Variants in UTRN observed in about 807,000 individuals in gnomAD.
The protein encoded by UTRN is dystrophin-related protein 1.
A neutral mutation model predicts 463.9 loss-of-function variants in UTRN; 283 were observed. That is an observed-to-expected ratio of 0.61 (90% CI 0.55 to 0.67). UTRN has a LOEUF of 0.67. UTRN is among the 30% of genes least tolerant of loss of function. The pLI, the probability that UTRN is intolerant of heterozygous loss-of-function variation, is 0.00. For missense variants in UTRN, 3,922 were observed against 4,084.3 expected (o/e 0.96, Z 1.08); for synonymous variants, 1,442 against 1,431.5 (o/e 1.01, Z -0.17).
At chr6:144,740,197 T>C (rs930912639) in intron 54 of UTRN, among the ~76,000 whole-genome samples, 4 of 152,250 alleles carry the variant, frequency 2.6e-5, no homozygotes, top group African/African-American at 7.2e-5. Flanking sequence ...ACTGCCATAG[T>C]GTACTATCTT....
Position 144,511,044 on chromosome 6 carries a change from T to C in UTRN, c.4865T>C (p.Leu1622Ser). Reference sequence around the variant, plus strand: ...TTGATTGAGGGCAGTGAGCCTATTTTAGAAGAGAGGCTCTGCGTCCTTAAC... The same window carrying C: ...TTGATTGAGGGCAGTGAGCCTATTTCAGAAGAGAGGCTCTGCGTCCTTAAC... ...QNLIEGSEPI[L>S]EERLCVLNAG... The change falls in exon 35 of 75, where the codon TTA becomes TCA. Residue 1622 changes from leucine to serine, a missense_variant. Leu to Ser is a moderately radical substitution (Grantham distance 145, BLOSUM62 -2). Around this residue, in one of 3 missense-constraint regions of UTRN, gnomAD observed 2,349 missense variants for 2,303.8 expected, o/e 1.02. Transcript: ENST00000367545. The C allele has an allele frequency of 6.2e-7, 1 of 1,613,144 alleles. No individual in the cohort carries two copies. Among genetic ancestry groups the C allele is most frequent in the South Asian group, 1.1e-5 (1 of 90,976 alleles).
At chr6:144,587,042 T>C (rs1802532816) in intron 51 of UTRN, among the ~76,000 whole-genome samples, 1 of 152,222 alleles carries the variant, frequency 6.6e-6, no homozygotes, top group Non-Finnish European at 1.5e-5. Context: ...GGTGAAATCA[T>C]GTATTAAATA....
At chr6:144,528,139 T>G (rs1030318018) in intron 41 of UTRN, among the ~76,000 whole-genome samples, 3 of 150,370 alleles carry the variant, frequency 2.0e-5, no homozygotes, top group African/African-American at 7.4e-5. Flanking sequence ...CAGGTTTGAG[T>G]GATTCTCCTG....
At chr6:144,433,768 C>T (rs1786206927) in intron 9 of UTRN, among the ~76,000 whole-genome samples, 1 of 151,898 alleles carries the variant, frequency 6.6e-6, no homozygotes, top group Non-Finnish European at 1.5e-5. Flanking sequence ...AGATGCTCCT[C>T]ACTTCCTAGA....
intron 2 of UTRN, among the ~76,000 whole-genome samples, chr6:144,360,032 T>TTTCCCTTCCCTTCCCTTCCC (rs1340009283): frequency 1.3e-5 from 1 of 78,796 alleles, no homozygotes; most frequent in African/African-American, 4.0e-5. Context: ...TCTTTTCTTT[T>TTTCCCTTCCCTTCCCTTCCC]TTCCCTTCCC....
intron 51 of UTRN, among the ~76,000 whole-genome samples, chr6:144,636,894 C>A (rs1038650672): frequency 3.9e-5 from 6 of 152,036 alleles, no homozygotes; most frequent in African/African-American, 1.4e-4. Flanking sequence ...AACAGAGTAG[C>A]CTTGAGGTTT....
At position 144,840,732 on chromosome 6, in the gene UTRN, T is replaced by C. The variant is rs1373036182; in HGVS notation, c.10178-8T>C. The C allele has an allele frequency of 2.5e-6, 4 of 1,613,666 alleles. No individual in the cohort carries two copies. Among genetic ancestry groups the C allele is most frequent in the African/African-American group, 1.3e-5 (1 of 74,920 alleles). On this transcript the variant is annotated splice_polypyrimidine_tract_variant and splice_region_variant and intron_variant, in intron 72 of 74. Coordinates refer to ENST00000367545, the MANE Select transcript of UTRN (RefSeq NM_007124.3). Reference sequence around the variant, plus strand: ...AAGCTTTGTTGTTCTCTTTATTTGCTGTCACAGCGGGAGAGGACCTGCTGG... The same window carrying C: ...AAGCTTTGTTGTTCTCTTTATTTGCCGTCACAGCGGGAGAGGACCTGCTGG...
rs376050591 is a variant in UTRN at position 144,462,608 on chromosome 6, A to C, written c.2854-46A>C. ...ATAGCCCATTTTACTATATCTGTGCAGACACATTTTTGTGCATATTTTTAA... is the reference window on the plus strand; with the variant it reads ...ATAGCCCATTTTACTATATCTGTGCCGACACATTTTTGTGCATATTTTTAA... On this transcript the variant is annotated intron_variant, in intron 22 of 74. Coordinates refer to ENST00000367545, the MANE Select transcript of UTRN (RefSeq NM_007124.3). The C allele has an allele frequency of 4.2e-5, 64 of 1,522,702 alleles. No homozygotes were observed. In the African/African-American group the frequency reaches 7.6e-4, roughly 18 times the overall value. 94.3% of individuals were successfully genotyped at this position (1,522,702 alleles called of 1,614,324 possible). A position where few individuals can be genotyped will look rare whatever the true frequency, so the allele number is the denominator to read the frequency against.
At chr6:144,656,087 A>G (rs1486925020) in intron 51 of UTRN, among the ~76,000 whole-genome samples, 1 of 152,130 alleles carries the variant, frequency 6.6e-6, no homozygotes, top group African/African-American at 2.4e-5. Context: ...AACATGGTTT[A>G]TTTAGCTAGA....
At chr6:144,754,575 C>G in intron 56 of UTRN, 145 bp from the exon 57 acceptor site, 1 of 225,246 alleles carries the variant, frequency 4.4e-6, no homozygotes, top group East Asian at 9.4e-5. Context: ...ATACCAGAGA[C>G]AGAGAAGGGG....
intron 51 of UTRN, among the ~76,000 whole-genome samples, chr6:144,602,289 T>G (rs7749957): frequency 0.54 from 81,088 of 151,454 alleles, 23,731 homozygotes; most frequent in East Asian, 0.85. Flanking sequence ...GCACCACCAG[T>G]CCCGGCTGAT....
At chr6:144,802,411 G>T (rs1382581033) in intron 64 of UTRN, among the ~76,000 whole-genome samples, 1 of 152,088 alleles carries the variant, frequency 6.6e-6, no homozygotes, top group Non-Finnish European at 1.5e-5. Flanking sequence ...GTAGATGTGG[G>T]TATAATTTAT....
Position 144,438,769 on chromosome 6 carries a change from G to T in UTRN, c.1266G>T (p.Leu422=). ...GGCTGCACGATGTGCTGATGGAACT[G>T]CAGAAGAAGCAACTGCAGCAGCTCT... is the stretch of plus-strand genomic sequence containing the variant. ...QSRLHDVLME[L]QKKQLQQLSA... is the part of the protein sequence containing the mutation. The change falls in exon 12 of 75, where the codon CTG becomes CTT. Residue 422 remains leucine, a synonymous_variant. Coordinates refer to ENST00000367545, the MANE Select transcript of UTRN (RefSeq NM_007124.3). The T allele has an allele frequency of 6.2e-7, 1 of 1,614,190 alleles. No homozygotes were observed.
At chr6:144,394,400 T>G (rs1782210189) in intron 2 of UTRN, among the ~76,000 whole-genome samples, 1 of 152,164 alleles carries the variant, frequency 6.6e-6, no homozygotes, top group South Asian at 2.1e-4. Flanking sequence ...CTCATGAGAC[T>G]TATTCATTAC....
intron 53 of UTRN, among the ~76,000 whole-genome samples, chr6:144,706,258 T>G (rs1206522215): frequency 6.6e-6 from 1 of 151,948 alleles, no homozygotes; most frequent in Non-Finnish European, 1.5e-5. Context: ...AAAATGTCCT[T>G]TTCCTCTGCT....
In UTRN at chr6:144,448,604, C is replaced by T; in HGVS notation, c.1907C>T (p.Thr636Ile). 1.2e-6 allele frequency: 2 copies of T among 1,613,156 alleles called. No homozygotes were observed. The highest frequency in any genetic ancestry group is 2.2e-5 in the South Asian group (2 of 90,834). Residue 636 changes from threonine (T) to isoleucine (I), a missense_variant, in exon 17 of 75, where the codon ACT becomes ATT. Physicochemically the swap from Thr to Ile is moderately conservative, Grantham distance 89. Coordinates refer to ENST00000367545, the MANE Select transcript of UTRN (RefSeq NM_007124.3). ...QRLEDSSNQV[T>I]QAVAKLGMSQ... ...TTTGGATGGCTTTTATTTCAGGTGA[C>T]TCAGGCTGTAGCAAAGCTGGGGATG...
At chr6:144,839,348 T>C in intron 72 of UTRN, 64 bp downstream of exon 72, 2 of 1,391,786 alleles carry the variant, frequency 1.4e-6, no homozygotes, top group Non-Finnish European at 2.0e-6. Context: ...TTAGTTTGTG[T>C]TTCCTGTTAA....
intron 50 of UTRN, among the ~76,000 whole-genome samples, chr6:144,575,085 T>C (rs766974922): frequency 5.3e-5 from 8 of 152,224 alleles, no homozygotes; most frequent in Non-Finnish European, 1.2e-4. Flanking sequence ...CGTTTTAACA[T>C]GAAGTAATGT....
intron 67 of UTRN, 31 bp downstream of exon 67, chr6:144,827,417 G>A: frequency 2.5e-6 from 4 of 1,613,050 alleles, no homozygotes; most frequent in African/African-American, 1.3e-5. Flanking sequence ...TGCAGGAGAG[G>A]TGTTCTGATC....
Sources: gnomAD v4.1 joint callset for allele counts (sites outside exome capture counted in the v4.1 genomes callset) on GRCh38, gnomAD v4.1.1 for gene constraint, gnomAD v4.1.1 regional missense constraint, MANE v1.5 for transcripts, NCBI Gene and HGNC (gene_info 2026-07-23, HGNC 2026-07-21) for gene names.